The following MGAT5 variants were observed in gnomAD, a reference collection of about 807,000 sequenced individuals.
MGAT5 encodes the protein alpha-1,6-mannosylglycoprotein 6-beta-N-acetylglucosaminyltransferase A.
In MGAT5, 30 loss-of-function variants were observed where a neutral mutation model predicts 94.3. The observed-to-expected ratio is 0.32, with a 90% confidence interval of 0.24 to 0.43. The LOEUF is 0.43. Ranked by LOEUF, MGAT5 falls within the 20% of genes least tolerant of loss-of-function variation. The probability of loss-of-function intolerance (pLI) is 1.00; values close to 1 mark genes in which losing one functional copy is unlikely to be tolerated. For missense variants in MGAT5, 691 were observed against 905.5 expected, an observed-to-expected ratio of 0.76 and a Z score of 3.04; for synonymous variants, 310 against 322.9, an observed-to-expected ratio of 0.96 and a Z score of 0.43.
chr2:134,159,576 C>T (rs374805606), intron 1 of MGAT5, among the ~76,000 whole-genome samples: 17 of 152,146 alleles, frequency 1.1e-4, no homozygotes, highest in South Asian at 2.1e-4. Flanking sequence ...TGGTGGCTAA[C>T]GCCTGCAATC....
intron 1 of MGAT5, among the ~76,000 whole-genome samples, chr2:134,143,129 C>T (rs1236516696): frequency 6.6e-6 from 1 of 152,020 alleles, no homozygotes; most frequent in Non-Finnish European, 1.5e-5. Flanking sequence ...ATGGAATACA[C>T]AGAATAGGTG....
intron 11 of MGAT5, among the ~76,000 whole-genome samples, chr2:134,409,760 T>C (rs988045739): frequency 6.6e-6 from 1 of 152,252 alleles, no homozygotes; most frequent in African/African-American, 2.4e-5. Context: ...TTAAAACAAT[T>C]GTTTCTTCTT....
chr2:134,370,612 G>T (rs781765500), intron 10 of MGAT5, among the ~76,000 whole-genome samples: 1 of 152,258 alleles, frequency 6.6e-6, no homozygotes. Flanking sequence ...GTAGGCATCA[G>T]TGGAGATGGT....
At chr2:134,174,857 G>A (rs1234891376) in intron 1 of MGAT5, among the ~76,000 whole-genome samples, 3 of 152,202 alleles carry the variant, frequency 2.0e-5, no homozygotes, top group South Asian at 2.1e-4. Flanking sequence ...TGGCAAGATT[G>A]TTAGCTGAGG....
At chr2:134,187,041 C>A in intron 1 of MGAT5, among the ~76,000 whole-genome samples, 1 of 152,090 alleles carries the variant, frequency 6.6e-6, no homozygotes, top group Non-Finnish European at 1.5e-5. Flanking sequence ...AGAGAGGGTA[C>A]CTGCAGGGGC....
chr2:134,426,037 C>T (rs563942319), intron 13 of MGAT5, among the ~76,000 whole-genome samples: 3 of 152,072 alleles, frequency 2.0e-5, no homozygotes, highest in East Asian at 3.9e-4. Context: ...TTCACTTGTT[C>T]CTAAAGAACT....
intron 1 of MGAT5, among the ~76,000 whole-genome samples, chr2:134,126,344 C>T (rs1292169035): frequency 6.6e-6 from 1 of 152,212 alleles, no homozygotes; most frequent in Admixed American, 6.5e-5. Context: ...CACTTTGGGC[C>T]TCAGCTGTTA....
At chr2:134,337,486 A>G (rs906529703) in intron 5 of MGAT5, among the ~76,000 whole-genome samples, 1 of 152,154 alleles carries the variant, frequency 6.6e-6, no homozygotes, top group African/African-American at 2.4e-5. Flanking sequence ...AAAGGGGGAT[A>G]AAGAAGGAAA....
chr2:134,330,037 C>G (rs1484403274), intron 4 of MGAT5, among the ~76,000 whole-genome samples: 1 of 151,984 alleles, frequency 6.6e-6, no homozygotes, highest in Non-Finnish European at 1.5e-5. Flanking sequence ...TGGATGTCAT[C>G]AGTATAACAA....
chr2:134,397,146 G>T (rs1682758896), intron 10 of MGAT5, among the ~76,000 whole-genome samples: 1 of 152,182 alleles, frequency 6.6e-6, no homozygotes, highest in Non-Finnish European at 1.5e-5. Flanking sequence ...GCAGTGTTGG[G>T]AAGCTCTTTA....
At chr2:134,302,876 T>A (rs1488778350) in intron 2 of MGAT5, among the ~76,000 whole-genome samples, 1 of 152,096 alleles carries the variant, frequency 6.6e-6, no homozygotes, top group Non-Finnish European at 1.5e-5. Flanking sequence ...ACATTTTCTC[T>A]TTCTCATTTG....
chr2:134,248,594 C>A (rs1226372861), intron 1 of MGAT5, among the ~76,000 whole-genome samples: 2 of 152,136 alleles, frequency 1.3e-5, no homozygotes, highest in African/African-American at 4.8e-5. Flanking sequence ...GGCTCCTTAG[C>A]CACCATTTAA....
In MGAT5 at chr2:134,450,415, A is replaced by C. The variant is rs1189649642; in HGVS notation, c.*1568A>C. The C allele has an allele frequency of 6.6e-6, 1 of 152,210 alleles. No individual in the cohort carries two copies. Among genetic ancestry groups the C allele is most frequent in the Non-Finnish European group, 1.5e-5 (1 of 68,064 alleles). 9.4% of individuals were successfully genotyped at this position (152,210 alleles called of 1,614,324 possible). ...AGGCGTAATGGCTGGTAGCTTTCAG[A>C]ATGTGAGGGAAAGGAAGAATTCCGC... On this transcript the variant is annotated 3_prime_UTR_variant, in exon 16 of 16. Coordinates refer to ENST00000281923, the MANE Select transcript of MGAT5 (RefSeq NM_002410.5).
Position 134,405,497 on chromosome 2 carries a change from G to A in MGAT5, c.1530+2360G>A, listed in dbSNP as rs748593316. 4.5e-4 allele frequency among the ~76,000 whole-genome samples: 69 copies of A among 152,214 alleles called. 1 individual carries two copies. Among genetic ancestry groups the A allele is most frequent in the Admixed American group, 2.2e-3 (33 of 15,272 alleles). ...AATGAACCTTTGGCTTTGAAATAAT[G>A]ACATGAAAGACCAGTCAGGCTTCGC... On this transcript the variant is annotated intron_variant, in intron 11 of 15. Coordinates refer to ENST00000281923, the MANE Select transcript of MGAT5 (RefSeq NM_002410.5).
At chr2:134,414,968 T>A (rs1457907203) in intron 12 of MGAT5, among the ~76,000 whole-genome samples, 1 of 152,248 alleles carries the variant, frequency 6.6e-6, no homozygotes, top group Non-Finnish European at 1.5e-5. Context: ...TTCCTTCTTT[T>A]GCAGGCTAAA....
chr2:134,351,772 G>C (rs1024213561), intron 9 of MGAT5, among the ~76,000 whole-genome samples: 6 of 152,044 alleles, frequency 3.9e-5, no homozygotes, highest in African/African-American at 1.4e-4. Context: ...ACAACAACCA[G>C]TAACATCATA....
chr2:134,314,591 A>C (rs1161922450), intron 2 of MGAT5, among the ~76,000 whole-genome samples: 1 of 152,230 alleles, frequency 6.6e-6, no homozygotes, highest in Admixed American at 6.5e-5. Flanking sequence ...AGTAGGAGAG[A>C]CATGAGCAGG....
chr2:134,285,751 T>C (rs552854197), intron 2 of MGAT5, among the ~76,000 whole-genome samples: 2 of 152,262 alleles, frequency 1.3e-5, no homozygotes, highest in East Asian at 3.9e-4. Context: ...ATCTTGCATT[T>C]TTTTGAGGTT....
chr2:134,270,742 C>T (rs964813651), intron 2 of MGAT5, among the ~76,000 whole-genome samples, 192 bp downstream of exon 2: 2 of 152,146 alleles, frequency 1.3e-5, no homozygotes, highest in African/African-American at 4.8e-5. Flanking sequence ...ATAGTTTTAT[C>T]ATGATGCATA....
Sources: gnomAD v4.1 joint callset for allele counts (sites outside exome capture counted in the v4.1 genomes callset) on GRCh38, gnomAD v4.1.1 for gene constraint, MANE v1.5 for transcripts, NCBI Gene and HGNC (gene_info 2026-07-23, HGNC 2026-07-21) for gene names.